The following ANKRD17 variants were observed in gnomAD, a reference collection of about 807,000 sequenced individuals.
ANKRD17 encodes ankyrin repeat domain-containing protein 17.
Under a neutral mutation model 229.7 loss-of-function variants are expected in ANKRD17, and 19 were observed. The ratio of observed to expected loss-of-function variants is 0.08; its 90% CI spans 0.06 to 0.12. The LOEUF (loss-of-function observed/expected upper bound fraction) is 0.12, where lower values mean the gene tolerates loss of function less well. Among genes scored for constraint, ANKRD17 ranks in the 10% least tolerant of loss-of-function variants. The pLI is 1.00. For synonymous variants in ANKRD17, 1,112 were observed against 1,146.1 expected, an observed-to-expected ratio of 0.97 and a Z score of 0.60; for missense variants, 2,176 against 3,176.8, an observed-to-expected ratio of 0.68 and a Z score of 7.57.
intron 1 of ANKRD17, among the ~76,000 whole-genome samples, chr4:73,185,013 T>C (rs1736102466): frequency 6.6e-6 from 1 of 151,924 alleles, no homozygotes; most frequent in African/African-American, 2.4e-5. Flanking sequence ...AAACAACCAA[T>C]TACGAACTTA....
At position 73,121,147 on chromosome 4, in the gene ANKRD17, C is replaced by T. The variant is rs753218359; in HGVS notation, c.3636-53G>A. On this transcript the variant is annotated intron_variant, in intron 19 of 33. Coordinates refer to ENST00000358602, the MANE Select transcript of ANKRD17 (RefSeq NM_032217.5). ...ATGGAAAAATATATATTTTAAATGA[C>T]AGAAAAATTGGAGATGATATATAAT... 14 of 1,440,134 alleles carry T rather than the reference C, an allele frequency of 9.7e-6. No homozygotes were observed. The South Asian group carries it at 1.5e-4, about 15-fold the overall frequency. The allele number at this position is 1,440,134 out of a possible 1,614,324, so 89.2% of individuals were successfully genotyped here.
chr4:73,139,312 T>C (rs1254250756), intron 15 of ANKRD17, among the ~76,000 whole-genome samples: 1 of 152,220 alleles, frequency 6.6e-6, no homozygotes, highest in African/African-American at 2.4e-5. Flanking sequence ...GCTACCAAGC[T>C]AAGCCAGAAA....
chr4:73,145,471 A>C (rs1420971826), intron 10 of ANKRD17, among the ~76,000 whole-genome samples: 1 of 152,154 alleles, frequency 6.6e-6, no homozygotes, highest in African/African-American at 2.4e-5. Flanking sequence ...CTACTGGTGA[A>C]ATTTTCAATC....
At chr4:73,106,276 G>A (rs1724605039) in intron 24 of ANKRD17, among the ~76,000 whole-genome samples, 1 of 152,068 alleles carries the variant, frequency 6.6e-6, no homozygotes, top group South Asian at 2.1e-4. Context: ...TAACTTCACT[G>A]TGGAATGGGA....
chr4:73,159,190 G>A (rs1034956143), intron 3 of ANKRD17, among the ~76,000 whole-genome samples: 1 of 152,090 alleles, frequency 6.6e-6, no homozygotes, highest in South Asian at 2.1e-4. Context: ...CCATTTCACA[G>A]GACACTGACA....
At chr4:73,144,696 CA>C (rs1560589637) in intron 11 of ANKRD17, 48 bp downstream of exon 11, 1 of 1,280,600 alleles carries the variant, frequency 7.8e-7, no homozygotes, top group Admixed American at 2.6e-5. Flanking sequence ...TAAATGAAGG[CA>C]GGGGTAGATA....
intron 1 of ANKRD17, among the ~76,000 whole-genome samples, chr4:73,257,960 A>T (rs1218213025): frequency 9.3e-6 from 1 of 107,768 alleles, no homozygotes; most frequent in African/African-American, 3.5e-5. Flanking sequence ...CAGGCAGACC[A>T]CCCCCCCACC....
At chr4:73,127,506 C>T (rs1485929698) in intron 16 of ANKRD17, among the ~76,000 whole-genome samples, 1 of 152,048 alleles carries the variant, frequency 6.6e-6, no homozygotes. Context: ...AAGCATTTCC[C>T]TCACTTTCAC....
At chr4:73,076,501 C>T (rs1721016170) in intron 33 of ANKRD17, among the ~76,000 whole-genome samples, 2 of 151,912 alleles carry the variant, frequency 1.3e-5, no homozygotes. Flanking sequence ...AAAATCATTA[C>T]CTGAGCATTT....
Position 73,218,628 on chromosome 4 carries a change from G to C in ANKRD17, c.393+39648C>G, listed in dbSNP as rs1741420685. Among the ~76,000 whole-genome samples, 3 of 140,020 alleles carry C rather than the reference G, an allele frequency of 2.1e-5. No homozygotes were observed. The South Asian group carries it at 7.2e-4, about 34-fold the overall frequency. The allele number at this position is 140,020 out of a possible 152,430, so 91.9% of individuals were successfully genotyped here. On this transcript the variant is annotated intron_variant, in intron 1 of 33. Transcript: ENST00000358602. ...ACTGCACTCTAGCCTGGGTGACAGA[G>C]TGAGACTCTGTCTCAAAAAAAAAAA... is the stretch of plus-strand genomic sequence containing the variant.
At chr4:73,179,684 T>C (rs965642558) in intron 1 of ANKRD17, among the ~76,000 whole-genome samples, 10 of 151,446 alleles carry the variant, frequency 6.6e-5, no homozygotes, top group Non-Finnish European at 1.5e-4. Context: ...CAACAGGATG[T>C]GGAATTCCTG....
rs1185382252 is a variant in ANKRD17, at chr4:73,092,264, C to G, written c.5364G>C (p.Leu1788Phe). ...GTESTRQATQ[L>F]INALIKDPDK... ...CTGGATCCTTGATCAAAGCATTAAT[C>G]AATTGAGTTGCTTGTCTTGTTGATT... Residue 1788 changes from leucine (L) to phenylalanine (F), a missense_variant, in exon 29 of 34, where the codon TTG (leucine) becomes TTC (phenylalanine). Physicochemically the swap from Leu to Phe is conservative, Grantham distance 22 (BLOSUM62 0). Around this residue, in one of 18 missense-constraint regions of ANKRD17, gnomAD observed 142 missense variants for 200.4 expected, o/e 0.71. Transcript: ENST00000358602. 6.2e-7 allele frequency: 1 copy of G among 1,613,658 alleles called. No individual in the cohort carries two copies. The highest frequency in any genetic ancestry group is 1.3e-5 in the African/African-American group (1 of 74,826).
rs1004343193 is a variant in ANKRD17 at position 73,129,738 on chromosome 4, C to A, written c.3235-4426G>T. Among the ~76,000 whole-genome samples, 31 of 148,804 alleles carry A rather than the reference C, an allele frequency of 2.1e-4. No individual in the cohort carries two copies. In the East Asian group the frequency reaches 4.1e-3, roughly 20 times the overall value. ...GTCTCAACAACAACAACAACAACAA[C>A]AAAAAAGTACATCTATTAATTACTT... On this transcript the variant is annotated intron_variant, in intron 16 of 33. Transcript: ENST00000358602.
intron 2 of ANKRD17, among the ~76,000 whole-genome samples, chr4:73,173,250 A>G (rs774475240): frequency 3.3e-5 from 5 of 152,248 alleles, no homozygotes; most frequent in African/African-American, 4.8e-5. Flanking sequence ...GCAACAGGAT[A>G]TAACAATTTT....
At chr4:73,229,564 AC>A (rs1560764016) in intron 1 of ANKRD17, among the ~76,000 whole-genome samples, 5 of 151,938 alleles carry the variant, frequency 3.3e-5, no homozygotes. Flanking sequence ...ATCAAAAAAA[AC>A]ACATAAATTC....
At chr4:73,243,782 T>C (rs1578507896) in intron 1 of ANKRD17, among the ~76,000 whole-genome samples, 1 of 152,240 alleles carries the variant, frequency 6.6e-6, no homozygotes, top group South Asian at 2.1e-4. Context: ...TATGGCTGCG[T>C]AAGAAATTTC....
At position 73,093,840 on chromosome 4, in the gene ANKRD17, T is replaced by A. The variant is rs538680118; in HGVS notation, c.5327+239A>T. ...CAGTTTATGTACAGAAATTATTTAT[T>A]TAAACCTTTGCTACACATGCATACA... On this transcript the variant is annotated intron_variant, in intron 28 of 33. Coordinates refer to ENST00000358602, the MANE Select transcript of ANKRD17 (RefSeq NM_032217.5). Among the ~76,000 whole-genome samples, 3 of 152,348 alleles carry A rather than the reference T, an allele frequency of 2.0e-5. No individual in the cohort carries two copies. The East Asian group carries it at 5.8e-4, about 29-fold the overall frequency.
At chr4:73,178,997 G>A (rs890648025) in intron 1 of ANKRD17, among the ~76,000 whole-genome samples, 2 of 151,896 alleles carry the variant, frequency 1.3e-5, no homozygotes, top group South Asian at 2.1e-4. Flanking sequence ...ATACAATCAC[G>A]CTCATGCCTA....
intron 1 of ANKRD17, among the ~76,000 whole-genome samples, chr4:73,242,646 AAAG>A (rs1295150421): frequency 6.6e-6 from 1 of 152,216 alleles, no homozygotes; most frequent in Non-Finnish European, 1.5e-5. Flanking sequence ...AACTCTTGAG[AAAG>A]AAGCTCAATG....
Sources: allele counts gnomAD v4.1 joint callset (sites outside exome capture counted in the v4.1 genomes callset), GRCh38; gene constraint gnomAD v4.1.1; regional missense constraint gnomAD v4.1.1; transcripts MANE v1.5; gene names NCBI Gene and HGNC (gene_info 2026-07-23, HGNC 2026-07-21).